FAM184B: variants seen among roughly 807,000 people sequenced by gnomAD.
The protein encoded by FAM184B is protein FAM184B.
In FAM184B, 111 loss-of-function variants were observed where a neutral mutation model predicts 135.9. That is an observed-to-expected ratio of 0.82 (90% confidence interval 0.70 to 0.96). The LOEUF is 0.96. FAM184B is among the 40% of genes least tolerant of loss of function. The pLI is 0.00. For missense variants in FAM184B, 1,375 were observed against 1,323.9 expected (o/e 1.04, Z -0.60); for synonymous variants, 552 against 524.8 (o/e 1.05, Z -0.71).
At chr4:17,644,391 T>C (rs1433898816) in intron 12 of FAM184B, among the ~76,000 whole-genome samples, 1 of 152,156 alleles carries the variant, frequency 6.6e-6, no homozygotes, top group Admixed American at 6.5e-5. Context: ...TCCACCATGA[T>C]CAAGTGGGCT....
At chr4:17,711,617 C>T (rs553986862) in intron 1 of FAM184B, among the ~76,000 whole-genome samples, 19 of 152,106 alleles carry the variant, frequency 1.2e-4, no homozygotes, top group African/African-American at 4.3e-4. Context: ...GAGCCGTGAT[C>T]CTGCCACTGC....
intron 1 of FAM184B, among the ~76,000 whole-genome samples, chr4:17,764,566 A>G (rs190010042): frequency 6.6e-6 from 1 of 152,330 alleles, no homozygotes; most frequent in Admixed American, 6.5e-5. Context: ...TGGAGGTTCT[A>G]AAGATGTAAA....
chr4:17,639,426 G>A (rs1174805040), intron 13 of FAM184B, 30 bp from the exon 14 acceptor site: 1 of 1,549,512 alleles, frequency 6.5e-7, no homozygotes. Context: ...AGCCAGGCTT[G>A]CCCAGCTCCA....
At chr4:17,775,863 C>A (rs907012466) in intron 1 of FAM184B, among the ~76,000 whole-genome samples, 1 of 152,112 alleles carries the variant, frequency 6.6e-6, no homozygotes, top group African/African-American at 2.4e-5. Flanking sequence ...GGCTGCAGGG[C>A]GGATGAGGGA....
chr4:17,688,414 T>G lies in FAM184B; in HGVS notation c.1596+10A>C. 2 of 1,540,988 alleles carry G rather than the reference T, an allele frequency of 1.3e-6. No homozygotes were observed. The highest frequency in any genetic ancestry group is 8.8e-7 in the Non-Finnish European group (1 of 1,140,044). On this transcript the variant is annotated intron_variant, in intron 7 of 17. Coordinates refer to ENST00000265018, the MANE Select transcript of FAM184B (RefSeq NM_015688.2). Reference sequence around the variant, plus strand: ...TATCTTTAATTAAATCTGACAAAGCTGGAGGTTACCTGGGTCTCCAGAATG... The same window carrying G: ...TATCTTTAATTAAATCTGACAAAGCGGGAGGTTACCTGGGTCTCCAGAATG...
chr4:17,762,169 T>A (rs1295536581), intron 1 of FAM184B, among the ~76,000 whole-genome samples: 2 of 152,186 alleles, frequency 1.3e-5, no homozygotes, highest in Admixed American at 1.3e-4. Context: ...CAGAATAAGC[T>A]TGTACTAAAT....
At chr4:17,687,797 ACTCGCAGC>A (rs1716621942) in intron 7 of FAM184B, among the ~76,000 whole-genome samples, 1 of 152,124 alleles carries the variant, frequency 6.6e-6, no homozygotes. Context: ...CCAGGTTCTC[ACTCGCAGC>A]CTCCAAAATA....
chr4:17,642,293 A>G, intron 12 of FAM184B, 65 bp from the exon 13 acceptor site: 1 of 1,403,642 alleles, frequency 7.1e-7, no homozygotes, highest in East Asian at 2.9e-5. Flanking sequence ...AGAAAGGGCC[A>G]GAGATGTGCT....
At chr4:17,650,012 A>G (rs1487721797) in intron 11 of FAM184B, among the ~76,000 whole-genome samples, 1 of 150,332 alleles carries the variant, frequency 6.7e-6, no homozygotes, top group African/African-American at 2.5e-5. Flanking sequence ...CCACCCATCC[A>G]TCTGTGTGTC....
intron 14 of FAM184B, among the ~76,000 whole-genome samples, chr4:17,638,577 G>A (rs1276315067): frequency 1.3e-5 from 2 of 152,132 alleles, no homozygotes; most frequent in Non-Finnish European, 1.5e-5. Context: ...TTTGTTCCCT[G>A]CTATAACTCC....
chr4:17,697,797 C>T (rs1355549752), intron 5 of FAM184B, among the ~76,000 whole-genome samples: 3 of 152,136 alleles, frequency 2.0e-5, no homozygotes, highest in Non-Finnish European at 2.9e-5. Context: ...AGCTTAACTT[C>T]GCAGTCTACA....
At position 17,632,801 on chromosome 4, in the gene FAM184B, A is replaced by G. The variant is rs1203327408; in HGVS notation, c.3090-176T>C. ...TTGTAAAGGATGGGGCTGGGGAGGG[A>G]GTACCTAATCCTCATTTGGAAAACA... On this transcript the variant is annotated intron_variant, in intron 17 of 17. Coordinates refer to ENST00000265018, the MANE Select transcript of FAM184B (RefSeq NM_015688.2). 1.5e-5 allele frequency: 8 copies of G among 529,498 alleles called. No individual in the cohort carries two copies. In the Admixed American group the frequency reaches 2.5e-4, roughly 17 times the overall value. The allele number at this position is 529,498 out of a possible 1,614,324, so 32.8% of individuals were successfully genotyped here.
At chr4:17,764,895 T>A in intron 1 of FAM184B, among the ~76,000 whole-genome samples, 1 of 151,976 alleles carries the variant, frequency 6.6e-6, no homozygotes, top group East Asian at 1.9e-4. Context: ...CAAGAGCTTG[T>A]CTCTACAAAA....
At chr4:17,642,583 C>T (rs1715353730) in intron 12 of FAM184B, among the ~76,000 whole-genome samples, 2 of 152,224 alleles carry the variant, frequency 1.3e-5, no homozygotes, top group Admixed American at 1.3e-4. Flanking sequence ...TGAAGTGATA[C>T]TGCCTCAGTG....
intron 13 of FAM184B, among the ~76,000 whole-genome samples, chr4:17,639,995 A>G (rs1715259974): frequency 6.6e-6 from 1 of 151,420 alleles, no homozygotes; most frequent in Non-Finnish European, 1.5e-5. Flanking sequence ...GGCCCAGCCA[A>G]TTTTTTGTAT....
chr4:17,753,125 GCTCCATTGGGGTTCC>G (rs1475343240), intron 1 of FAM184B, among the ~76,000 whole-genome samples: 1 of 152,092 alleles, frequency 6.6e-6, no homozygotes, highest in African/African-American at 2.4e-5. Flanking sequence ...TCCTCCATCT[GCTCCATTGGGGTTCC>G]CTCCTTTGTG....
chr4:17,727,925 G>C (rs1041129060), intron 1 of FAM184B, among the ~76,000 whole-genome samples: 9 of 152,012 alleles, frequency 5.9e-5, no homozygotes, highest in African/African-American at 1.9e-4. Context: ...CTGTTATAAA[G>C]ACATTTGCTT....
intron 13 of FAM184B, among the ~76,000 whole-genome samples, chr4:17,640,677 C>T (rs565295461): frequency 1.4e-4 from 22 of 152,102 alleles, no homozygotes; most frequent in African/African-American, 4.1e-4. Context: ...ATGAAATAGA[C>T]GAATTCTTTG....
intron 1 of FAM184B, among the ~76,000 whole-genome samples, chr4:17,723,149 T>C (rs2108973412): frequency 6.6e-6 from 1 of 152,322 alleles, no homozygotes; most frequent in South Asian, 2.1e-4. Flanking sequence ...CACTTTCCAG[T>C]TCACCAAGCA....
Sources: gnomAD v4.1 joint callset for allele counts (sites outside exome capture counted in the v4.1 genomes callset) on GRCh38, gnomAD v4.1.1 for gene constraint, MANE v1.5 for transcripts, NCBI Gene and HGNC (gene_info 2026-07-23, HGNC 2026-07-21) for gene names.